Variants in BRINP2 observed in about 807,000 individuals in gnomAD.
The protein encoded by BRINP2 is BMP/retinoic acid-inducible neural-specific protein 2.
BRINP2 carries 21 observed loss-of-function variants against 69.2 expected under a neutral mutation model. That is an observed-to-expected ratio of 0.30 (90% confidence interval 0.22 to 0.44). The LOEUF (loss-of-function observed/expected upper bound fraction) is 0.44. BRINP2 is among the 20% of genes least tolerant of loss of function. The probability of loss-of-function intolerance (pLI) is 1.00; values close to 1 mark genes in which losing one functional copy is unlikely to be tolerated. For missense variants in BRINP2, 877 were observed against 986.0 expected (o/e 0.89, Z 1.48); for synonymous variants, 380 against 394.1 (o/e 0.96, Z 0.42).
chr1:177,200,031 C>T (rs1471585894), intron 1 of BRINP2, among the ~76,000 whole-genome samples: 1 of 152,104 alleles, frequency 6.6e-6, no homozygotes, highest in Non-Finnish European at 1.5e-5. Context: ...GTGGGACACA[C>T]CTGTAATCCC....
At chr1:177,184,816 A>T (rs960569593) in intron 1 of BRINP2, among the ~76,000 whole-genome samples, 1 of 152,166 alleles carries the variant, frequency 6.6e-6, no homozygotes, top group Non-Finnish European at 1.5e-5. Context: ...AGTTAACAAG[A>T]ATCTTTCCTA....
At chr1:177,265,666 A>G (rs1651094386) in intron 4 of BRINP2, among the ~76,000 whole-genome samples, 1 of 152,006 alleles carries the variant, frequency 6.6e-6, no homozygotes, top group Admixed American at 6.6e-5. Flanking sequence ...GTGTGATGCA[A>G]TGGAAAGAAC....
At chr1:177,256,897 G>A in intron 3 of BRINP2, 1 of 1,256,268 alleles carries the variant, frequency 8.0e-7, no homozygotes, top group Non-Finnish European at 1.0e-6. Flanking sequence ...TATGAAGATG[G>A]ATTGCTTGAG....
intron 2 of BRINP2, among the ~76,000 whole-genome samples, chr1:177,251,077 C>A (rs1293572861): frequency 1.3e-5 from 2 of 152,092 alleles, no homozygotes; most frequent in African/African-American, 2.4e-5. Context: ...TAGACAGTAT[C>A]ATTCCTTTTT....
chr1:177,174,514 G>T (rs907512268), intron 1 of BRINP2, among the ~76,000 whole-genome samples: 2 of 152,204 alleles, frequency 1.3e-5, no homozygotes, highest in African/African-American at 2.4e-5. Context: ...GAATTCACAA[G>T]GCTGACCTAG....
At chr1:177,189,673 G>A (rs1178725000) in intron 1 of BRINP2, among the ~76,000 whole-genome samples, 1 of 152,098 alleles carries the variant, frequency 6.6e-6, no homozygotes, top group African/African-American at 2.4e-5. Flanking sequence ...TAGAAACTAG[G>A]TAACATTGAT....
At chr1:177,225,564 A>T (rs1649668777) in intron 1 of BRINP2, among the ~76,000 whole-genome samples, 1 of 152,218 alleles carries the variant, frequency 6.6e-6, no homozygotes. Context: ...GCTTATTAGC[A>T]GTTCCACCAG....
intron 1 of BRINP2, among the ~76,000 whole-genome samples, chr1:177,173,270 T>C (rs541292497): frequency 3.7e-4 from 57 of 152,342 alleles, no homozygotes; most frequent in African/African-American, 1.2e-3. Context: ...TAGGAAAAGA[T>C]GCATGCCTTG....
intron 2 of BRINP2, among the ~76,000 whole-genome samples, chr1:177,247,472 G>A (rs1161818151): frequency 1.3e-5 from 2 of 152,218 alleles, no homozygotes; most frequent in African/African-American, 2.4e-5. Context: ...CTTGGCTTGA[G>A]GCCAGTCTCT....
intron 1 of BRINP2, among the ~76,000 whole-genome samples, chr1:177,208,269 C>T (rs372241232): frequency 2.0e-5 from 3 of 152,062 alleles, no homozygotes; most frequent in Admixed American, 6.5e-5. Context: ...GGAAAGTTGC[C>T]GCAGGTTTTG....
chr1:177,251,188 T>C (rs947487713), intron 2 of BRINP2, among the ~76,000 whole-genome samples: 2 of 152,220 alleles, frequency 1.3e-5, no homozygotes, highest in Non-Finnish European at 2.9e-5. Flanking sequence ...CTGTATGGAC[T>C]TGGCTTTTTG....
chr1:177,214,411 C>T (rs1223651666), intron 1 of BRINP2, among the ~76,000 whole-genome samples: 1 of 151,970 alleles, frequency 6.6e-6, no homozygotes, highest in Non-Finnish European at 1.5e-5. Context: ...CCAGCCTGAG[C>T]ATAAGAGCGA....
intron 4 of BRINP2, among the ~76,000 whole-genome samples, chr1:177,263,658 T>A (rs1651029220): frequency 6.6e-6 from 1 of 152,136 alleles, no homozygotes; most frequent in Non-Finnish European, 1.5e-5. Flanking sequence ...CAGAGCACAG[T>A]GGAAGTTAAC....
At chr1:177,279,712 G>C (rs766012618) in intron 7 of BRINP2, among the ~76,000 whole-genome samples, 4 of 152,244 alleles carry the variant, frequency 2.6e-5, no homozygotes, top group Non-Finnish European at 5.9e-5. Flanking sequence ...TCTCATTTCT[G>C]AGAAGCTGTT....
At chr1:177,187,474 T>C (rs1417471008) in intron 1 of BRINP2, among the ~76,000 whole-genome samples, 1 of 152,208 alleles carries the variant, frequency 6.6e-6, no homozygotes, top group Admixed American at 6.5e-5. Flanking sequence ...AATGGGTCCT[T>C]CTTATGCCAT....
At chr1:177,191,778 T>C (rs1053847137) in intron 1 of BRINP2, among the ~76,000 whole-genome samples, 1 of 152,200 alleles carries the variant, frequency 6.6e-6, no homozygotes, top group African/African-American at 2.4e-5. Context: ...CTAAATCTGG[T>C]TCATTTGATT....
At chr1:177,238,497 G>A (rs1650099517) in intron 2 of BRINP2, among the ~76,000 whole-genome samples, 1 of 152,202 alleles carries the variant, frequency 6.6e-6, no homozygotes, top group East Asian at 1.9e-4. Flanking sequence ...AAACCTCAGA[G>A]GGACAGCTCT....
intron 2 of BRINP2, among the ~76,000 whole-genome samples, chr1:177,253,550 ATTTG>A (rs1650651998): frequency 6.6e-6 from 1 of 151,914 alleles, no homozygotes; most frequent in African/African-American, 2.4e-5. Flanking sequence ...ATGTAATCCC[ATTTG>A]TTTATTTTTG....
intron 2 of BRINP2, among the ~76,000 whole-genome samples, chr1:177,236,933 A>C (rs1476067243): frequency 6.6e-6 from 1 of 152,122 alleles, no homozygotes; most frequent in Non-Finnish European, 1.5e-5. Context: ...AAAAAAAAAA[A>C]ACTCCCACCT....
Sources: gnomAD v4.1 joint callset for allele counts (sites outside exome capture counted in the v4.1 genomes callset) on GRCh38, gnomAD v4.1.1 for gene constraint, MANE v1.5 for transcripts, NCBI Gene and HGNC (gene_info 2026-07-23, HGNC 2026-07-21) for gene names.